The following ACACA variants were observed in gnomAD, a reference collection of about 807,000 sequenced individuals.
ACACA encodes the protein acetyl-CoA carboxylase 1.
ACACA carries 103 observed loss-of-function variants against 296.1 expected under a neutral mutation model. The observed-to-expected ratio is 0.35, with a 90% CI of 0.30 to 0.41. The LOEUF (loss-of-function observed/expected upper bound fraction) is 0.41. Ranked by LOEUF, ACACA falls within the 10% of genes least tolerant of loss-of-function variation. ACACA has a pLI of 1.00. For synonymous variants in ACACA, 953 were observed against 1,038.6 expected (o/e 0.92, Z 1.58); for missense variants, 1,554 against 2,989.7 (o/e 0.52, Z 11.20).
intron 5 of ACACA, among the ~76,000 whole-genome samples, chr17:37,281,660 T>C (rs148869903): frequency 1.3e-5 from 2 of 152,044 alleles, no homozygotes; most frequent in African/African-American, 4.8e-5. Flanking sequence ...AAGGTCAAGA[T>C]ACCGAGACCA....
At chr17:37,397,559 G>A (rs541453036) in intron 1 of ACACA, among the ~76,000 whole-genome samples, 21 of 152,184 alleles carry the variant, frequency 1.4e-4, no homozygotes, top group African/African-American at 5.1e-4. Context: ...TATAATTGTT[G>A]CTAACACTTG....
At chr17:37,243,337 G>A (rs1418714115) in intron 22 of ACACA, 34 bp downstream of exon 22, 4 of 1,597,836 alleles carry the variant, frequency 2.5e-6, no homozygotes, top group Non-Finnish European at 2.6e-6. Context: ...GGCATTGGTA[G>A]CCAGAAAAAA....
At chr17:37,362,698 C>A (rs1467703963) in intron 1 of ACACA, among the ~76,000 whole-genome samples, 2 of 152,110 alleles carry the variant, frequency 1.3e-5, no homozygotes, top group African/African-American at 4.8e-5. Context: ...GCGCCAGGCG[C>A]GGTGGCTCAC....
intron 3 of ACACA, among the ~76,000 whole-genome samples, chr17:37,303,624 G>A (rs1198941307): frequency 3.3e-5 from 5 of 152,320 alleles, no homozygotes; most frequent in South Asian, 2.1e-4. Context: ...TTGGGAGGCC[G>A]AGGCAAGTGG....
At position 37,125,759 on chromosome 17, in the gene ACACA, A is replaced by G; in HGVS notation, c.5980T>C (p.Tyr1994His). Reference sequence around the variant, plus strand: ...TGCATAATCTCTGAGAAAGATCCATAGTCAAAAAAGCCACTCAACCACTGA... The same window carrying G: ...TGCATAATCTCTGAGAAAGATCCATGGTCAAAAAAGCCACTCAACCACTGA... Reference protein sequence around the residue: ...KGQWLSGFFDYGSFSEIMQPW... With the variant: ...KGQWLSGFFDHGSFSEIMQPW... The change falls in exon 48 of 56, where the codon TAT becomes CAT. Residue 1994 changes from tyrosine (Y) to histidine (H), a missense_variant. Physicochemically the swap from Tyr to His is moderately conservative, Grantham distance 83. Coordinates refer to ENST00000616317, the MANE Select transcript of ACACA (RefSeq NM_198834.3). 6.2e-7 allele frequency: 1 copy of G among 1,614,104 alleles called. No individual in the cohort carries two copies. Among genetic ancestry groups the G allele is most frequent in the Non-Finnish European group, 8.5e-7 (1 of 1,179,988 alleles).
intron 41 of ACACA, among the ~76,000 whole-genome samples, chr17:37,174,018 A>ATTTTTTTTTTTTT (rs2077008643): frequency 6.5e-5 from 1 of 15,438 alleles, no homozygotes; most frequent in African/African-American, 2.7e-4. Context: ...ATATATATAT[A>ATTTTTTTTTTTTT]TATTTTTTTT....
At chr17:37,247,932 G>C in intron 18 of ACACA, 79 bp downstream of exon 18, 1 of 1,581,648 alleles carries the variant, frequency 6.3e-7, no homozygotes, top group South Asian at 1.1e-5. Flanking sequence ...AAAAGCCTGG[G>C]AAAATCCCAA....
At chr17:37,122,807 A>G (rs2143017177) in intron 48 of ACACA, 180 bp from the exon 49 acceptor site, 2 of 683,462 alleles carry the variant, frequency 2.9e-6, no homozygotes, top group Non-Finnish European at 5.3e-6. Context: ...TTTACTCTCT[A>G]AATATGGTGG....
rs759633965 is a variant in ACACA, at chr17:37,192,232, T to G, written c.4274A>C (p.Asn1425Thr). Residue 1425 changes from asparagine to threonine, a missense_variant, in exon 37 of 56, where the codon AAT becomes ACT. By Grantham distance (65) the Asn-to-Thr change is moderately conservative (BLOSUM62 0). Transcript: ENST00000616317. Reference sequence around the variant, plus strand: ...ACATGGAATGGCAGTGAGGTCAAAATTTCTCATCCGGTTCAGCTCTAACTG... The same window carrying G: ...ACATGGAATGGCAGTGAGGTCAAAAGTTCTCATCCGGTTCAGCTCTAACTG... ...AFQLELNRMR[N>T]FDLTAIPCAN... 5 of 1,614,058 alleles carry G rather than the reference T, an allele frequency of 3.1e-6. No homozygotes were observed. In the East Asian group the frequency reaches 1.1e-4, roughly 36 times the overall value.
intron 39 of ACACA, among the ~76,000 whole-genome samples, chr17:37,186,563 A>G (rs1349087738): frequency 6.6e-6 from 1 of 152,218 alleles, no homozygotes; most frequent in African/African-American, 2.4e-5. Context: ...GAGCACCAGA[A>G]CTGGGTTGGA....
At chr17:37,359,911 A>T (rs1357382682) in intron 1 of ACACA, among the ~76,000 whole-genome samples, 1 of 152,000 alleles carries the variant, frequency 6.6e-6, no homozygotes, top group African/African-American at 2.4e-5. Flanking sequence ...AACGAAGCTC[A>T]GTAAGAAGGG....
intron 14 of ACACA, among the ~76,000 whole-genome samples, chr17:37,255,835 C>G (rs148226038): frequency 6.6e-6 from 1 of 152,274 alleles, no homozygotes; most frequent in Non-Finnish European, 1.5e-5. Flanking sequence ...CAACCTCAGC[C>G]TCCTGGGTTC....
intron 25 of ACACA, among the ~76,000 whole-genome samples, chr17:37,234,166 A>C (rs1305491538): frequency 6.6e-6 from 1 of 152,208 alleles, no homozygotes; most frequent in Non-Finnish European, 1.5e-5. Context: ...GTGAAAAGGC[A>C]CTACAGTCCC....
intron 39 of ACACA, among the ~76,000 whole-genome samples, chr17:37,183,059 C>A (rs1213346187): frequency 6.6e-6 from 1 of 152,108 alleles, no homozygotes; most frequent in African/African-American, 2.4e-5. Flanking sequence ...TTAAGTAAGG[C>A]AAGGGTACAG....
chr17:37,149,813 C>A (rs771340416), intron 45 of ACACA, 51 bp downstream of exon 45: 5 of 1,491,216 alleles, frequency 3.4e-6, no homozygotes, highest in Admixed American at 1.7e-5. Flanking sequence ...AGAATTCACA[C>A]AATAATCTTC....
At chr17:37,390,334 A>ATATATATATATATATATATATCT (rs2050822111) in intron 1 of ACACA, among the ~76,000 whole-genome samples, 2 of 93,440 alleles carry the variant, frequency 2.1e-5, no homozygotes, top group African/African-American at 4.5e-5. Flanking sequence ...ATATATATAT[A>ATATATATATATATATATATATCT]AAAGGCCAGC....
intron 14 of ACACA, 28 bp from the exon 15 acceptor site, chr17:37,253,064 A>G (rs202005308): frequency 2.1e-5 from 34 of 1,614,074 alleles, no homozygotes; most frequent in Admixed American, 1.7e-5. Flanking sequence ...AATCTGTTTC[A>G]GCAACAAACA....
At position 37,087,328 on chromosome 17, in the gene ACACA, G is replaced by A. The variant is rs1398625668; in HGVS notation, c.7140C>T (p.Ser2380=). The change falls in exon 56 of 56, where the codon TCC becomes TCT. Residue 2380 remains serine, a synonymous_variant. Transcript: ENST00000616317. The part of the protein sequence containing the change: ...EVIRILSTMD[S]PST ...CAGGAAGCTCTTCCTACGTGGAAGG[G>A]GAATCCATTGTGGAGAGGATCCGTA... 3 of 1,614,188 alleles carry A rather than the reference G, an allele frequency of 1.9e-6. No homozygotes were observed. The highest frequency in any genetic ancestry group is 2.5e-6 in the Non-Finnish European group (3 of 1,180,040).
chr17:37,186,110 A>T (rs1196698488), intron 39 of ACACA, among the ~76,000 whole-genome samples: 2 of 152,226 alleles, frequency 1.3e-5, no homozygotes, highest in African/African-American at 4.8e-5. Context: ...GTTCCTGAAT[A>T]CTCAACTATC....
Sources: gnomAD v4.1 joint callset for allele counts (sites outside exome capture counted in the v4.1 genomes callset) on GRCh38, gnomAD v4.1.1 for gene constraint, MANE v1.5 for transcripts, NCBI Gene and HGNC (gene_info 2026-07-23, HGNC 2026-07-21) for gene names.